Variants in MYCT1 observed in about 807,000 individuals in gnomAD.
MYCT1 encodes the protein myc target protein 1.
In MYCT1, 12 loss-of-function variants were observed where a neutral mutation model predicts 15.0. That is an observed-to-expected ratio of 0.80 (90% CI 0.51 to 1.29). MYCT1 has a LOEUF of 1.29. Ranked by LOEUF, MYCT1 falls within the 50% of genes most tolerant of loss-of-function variation. The pLI is 0.00. For missense variants in MYCT1, 287 were observed against 279.1 expected, an observed-to-expected ratio of 1.03 and a Z score of -0.20; for synonymous variants, 104 against 102.7, an observed-to-expected ratio of 1.01 and a Z score of -0.07.
chr6:152,714,566 T>G (rs1417225535), intron 1 of MYCT1, among the ~76,000 whole-genome samples: 1 of 151,296 alleles, frequency 6.6e-6, no homozygotes, highest in Non-Finnish European at 1.5e-5. Context: ...TTTTATAATT[T>G]TCATTAGGTA....
the MYCT1 span, among the ~76,000 whole-genome samples, chr6:152,744,616 C>G: frequency 5.7e-4 from 87 of 152,198 alleles, no homozygotes; most frequent in African/African-American, 1.5e-3. Context: ...CTGAATCTTG[C>G]GGGAGGAATG....
intron 1 of MYCT1, chr6:152,706,255 AT>A: frequency 1.5e-6 from 1 of 685,544 alleles, no homozygotes; most frequent in Non-Finnish European, 2.7e-6. Flanking sequence ...TGTTTAAGAA[AT>A]CACTGTAACC....
chr6:152,716,072 G>A (rs2099723620), intron 1 of MYCT1, among the ~76,000 whole-genome samples: 1 of 152,198 alleles, frequency 6.6e-6, no homozygotes, highest in Non-Finnish European at 1.5e-5. Flanking sequence ...GGCAAGGACA[G>A]AAGCAGGAAG....
intron 1 of MYCT1, among the ~76,000 whole-genome samples, chr6:152,702,353 G>A (rs532058287): frequency 1.8e-4 from 27 of 152,192 alleles, no homozygotes; most frequent in African/African-American, 4.8e-4. Context: ...TCCAACTATT[G>A]CAGTAAAAAT....
At chr6:152,733,844 A>C in the MYCT1 span, among the ~76,000 whole-genome samples, 1 of 152,154 alleles carries the variant, frequency 6.6e-6, no homozygotes, top group African/African-American at 2.4e-5. Flanking sequence ...AGTTGTCACA[A>C]GTCTTCAGTT....
At chr6:152,732,799 G>C in the MYCT1 span, among the ~76,000 whole-genome samples, 3 of 152,174 alleles carry the variant, frequency 2.0e-5, no homozygotes, top group African/African-American at 4.8e-5. Flanking sequence ...TAGAAATACT[G>C]ATCTTGAATA....
At chr6:152,746,856 A>C in the MYCT1 span, among the ~76,000 whole-genome samples, 1 of 152,208 alleles carries the variant, frequency 6.6e-6, no homozygotes, top group African/African-American at 2.4e-5. Flanking sequence ...AATTTTCTCT[A>C]AACTCAGCAT....
chr6:152,701,155 T>C (rs1221289727), intron 1 of MYCT1, among the ~76,000 whole-genome samples: 1 of 152,162 alleles, frequency 6.6e-6, no homozygotes. Context: ...AGGGAGATAA[T>C]TCTAAGAAGG....
At chr6:152,731,747 CAT>C in the MYCT1 span, among the ~76,000 whole-genome samples, 2 of 95,830 alleles carry the variant, frequency 2.1e-5, no homozygotes, top group Admixed American at 1.3e-4. Flanking sequence ...CAGAGAACGC[CAT>C]TTTTTTTTTT....
chr6:152,721,930 A>C lies in MYCT1; in HGVS notation c.385A>C (p.Ser129Arg). The change falls in exon 2 of 2, where the codon AGT (serine) becomes CGT (arginine). Residue 129 changes from serine to arginine, a missense_variant. Transcript: ENST00000367245. ...GLNRTGFYRH[S>R]GCERRSNLSL... is the part of the protein sequence containing the mutation. Reference sequence around the variant, plus strand: ...CAACAGAACTGGATTTTACCGCCACAGTGGCTGTGAACGTCGAAGCAACCT... The same window carrying C: ...CAACAGAACTGGATTTTACCGCCACCGTGGCTGTGAACGTCGAAGCAACCT... 1 of 1,614,182 alleles carries C rather than the reference A, an allele frequency of 6.2e-7. No homozygotes were observed. Among genetic ancestry groups the C allele is most frequent in the Non-Finnish European group, 8.5e-7 (1 of 1,180,030 alleles).
rs748008835 is a variant in MYCT1 at position 152,697,897 on chromosome 6, C to A, written c.-6C>A. 5.2e-6 allele frequency: 8 copies of A among 1,545,212 alleles called. No homozygotes were observed. The highest frequency in any genetic ancestry group is 1.7e-4 in the Middle Eastern group (1 of 5,832). On this transcript the variant is annotated 5_prime_UTR_variant, in exon 1 of 2. Coordinates refer to ENST00000367245, the MANE Select transcript of MYCT1 (RefSeq NM_025107.3). ...AGCAGGAAACATGATACACTTATTT[C>A]CTTTTATGCGAACACAAGTATATGA...
downstream of MYCT1, among the ~76,000 whole-genome samples, chr6:152,728,874 C>G (rs1002056507): frequency 2.0e-5 from 3 of 152,092 alleles, no homozygotes; most frequent in African/African-American, 7.2e-5. Flanking sequence ...CCACTGTACT[C>G]TAGCCTGGGT....
At position 152,722,425 on chromosome 6, in the gene MYCT1, A is replaced by T. The variant is rs1353476378; in HGVS notation, c.*172A>T. ...AATGTAAAACACATTTTCTTCAAAC[A>T]CGTTTTCCCTTTTGTTTCAAAAAAT... On this transcript the variant is annotated 3_prime_UTR_variant, in exon 2 of 2. Coordinates refer to ENST00000367245, the MANE Select transcript of MYCT1 (RefSeq NM_025107.3). The T allele has an allele frequency of 3.6e-5, 22 of 606,264 alleles. No homozygotes were observed. The East Asian group carries it at 6.5e-4, about 18-fold the overall frequency. 37.6% of individuals were successfully genotyped at this position (606,264 alleles called of 1,614,324 possible). A position where few individuals can be genotyped will look rare whatever the true frequency, so the allele number is the denominator to read the frequency against.
At chr6:152,726,836 G>A (rs564401758), downstream of MYCT1, among the ~76,000 whole-genome samples, 230 of 152,232 alleles carry the variant, frequency 1.5e-3, no homozygotes, top group African/African-American at 4.8e-3. Flanking sequence ...ACATGATACT[G>A]GACAGCCAGA....
rs1273761149 is a variant in MYCT1, at chr6:152,719,413, A to G, written c.197-2329A>G. Among the ~76,000 whole-genome samples, 5 of 152,214 alleles carry G rather than the reference A, an allele frequency of 3.3e-5. No individual in the cohort carries two copies. The East Asian group carries it at 9.6e-4, about 29-fold the overall frequency. On this transcript the variant is annotated intron_variant, in intron 1 of 1. Coordinates refer to ENST00000367245, the MANE Select transcript of MYCT1 (RefSeq NM_025107.3). ...ATGAATTAAGATGCTTTGGTCTCAG[A>G]TCCTTACTTGACCTTCACCAGGTGT... is the stretch of plus-strand genomic sequence containing the variant.
At position 152,722,936 on chromosome 6, in the gene MYCT1, G is replaced by A; in HGVS notation, c.*683G>A. 5.9e-6 allele frequency: 1 copy of A among 168,252 alleles called. No homozygotes were observed. Among genetic ancestry groups the A allele is most frequent in the Non-Finnish European group, 1.3e-5 (1 of 77,276 alleles). 10.4% of individuals were successfully genotyped at this position (168,252 alleles called of 1,614,324 possible). A position where few individuals can be genotyped will look rare whatever the true frequency, so the allele number is the denominator to read the frequency against. On this transcript the variant is annotated 3_prime_UTR_variant, in exon 2 of 2. Coordinates refer to ENST00000367245, the MANE Select transcript of MYCT1 (RefSeq NM_025107.3). ...TTTTTAATTTTAGTAGAGATGAAGT[G>A]TCACTATGTTACCAAGGCTGGTCTC...
the MYCT1 span, among the ~76,000 whole-genome samples, chr6:152,743,088 C>G: frequency 6.6e-6 from 1 of 152,068 alleles, no homozygotes; most frequent in African/African-American, 2.4e-5. Context: ...CAGAATCTCT[C>G]TCTGTCACCC....
At chr6:152,747,074 C>T in the MYCT1 span, among the ~76,000 whole-genome samples, 4 of 151,656 alleles carry the variant, frequency 2.6e-5, no homozygotes, top group Non-Finnish European at 5.9e-5. Context: ...AATACAAAAT[C>T]CTGAAAATAA....
chr6:152,721,501 G>A (rs547612690), intron 1 of MYCT1, among the ~76,000 whole-genome samples: 1 of 152,154 alleles, frequency 6.6e-6, no homozygotes, highest in East Asian at 1.9e-4. Flanking sequence ...TGATAAAACA[G>A]GTTAAGTGAC....
Sources: gnomAD v4.1 joint callset for allele counts (sites outside exome capture counted in the v4.1 genomes callset) on GRCh38, gnomAD v4.1.1 for gene constraint, MANE v1.5 for transcripts, NCBI Gene and HGNC (gene_info 2026-07-23, HGNC 2026-07-21) for gene names.